The following CD226 variants were observed in gnomAD, a reference collection of about 807,000 sequenced individuals.
CD226 encodes CD226 antigen.
In CD226, 24 loss-of-function variants were observed where a neutral mutation model predicts 34.9. The ratio of observed to expected loss-of-function variants is 0.69; its 90% confidence interval spans 0.50 to 0.97. The LOEUF (loss-of-function observed/expected upper bound fraction) is 0.97, where lower values mean the gene tolerates loss of function less well. CD226 is among the 50% of genes least tolerant of loss of function. CD226 has a pLI of 0.00. For missense variants in CD226, 397 were observed against 412.7 expected (o/e 0.96, Z 0.33); for synonymous variants, 148 against 147.4 (o/e 1.00, Z -0.03).
intron 4 of CD226, among the ~76,000 whole-genome samples, chr18:69,872,297 T>G (rs1159047031): frequency 6.6e-6 from 1 of 152,118 alleles, no homozygotes; most frequent in Non-Finnish European, 1.5e-5. Flanking sequence ...AGCAGATATG[T>G]AACAAATACC....
upstream of CD226, among the ~76,000 whole-genome samples, chr18:69,949,046 A>T (rs2055824322): frequency 6.6e-6 from 1 of 152,176 alleles, no homozygotes; most frequent in African/African-American, 2.4e-5. Context: ...GTTTCAGGAA[A>T]TGGTGTGACT....
At chr18:69,930,767 T>G (rs1410706000) in intron 2 of CD226, among the ~76,000 whole-genome samples, 1 of 152,204 alleles carries the variant, frequency 6.6e-6, no homozygotes, top group Admixed American at 6.5e-5. Flanking sequence ...TCAGTCCTCA[T>G]GTGGATTTAT....
intron 2 of CD226, among the ~76,000 whole-genome samples, chr18:69,917,777 G>C (rs1485128803): frequency 1.3e-5 from 2 of 152,168 alleles, no homozygotes; most frequent in Non-Finnish European, 2.9e-5. Context: ...TCTTGGACAA[G>C]GGGGGAGTCA....
chr18:69,909,687 G>A (rs779877226), intron 2 of CD226, among the ~76,000 whole-genome samples: 1 of 152,150 alleles, frequency 6.6e-6, no homozygotes, highest in Non-Finnish European at 1.5e-5. Flanking sequence ...AGTGTCCATG[G>A]TATTTATTTT....
chr18:69,864,004 C>G lies in CD226; in HGVS notation c.*310G>C, dbSNP rs994182263. 1 of 200,100 alleles carries G rather than the reference C, an allele frequency of 5.0e-6. No homozygotes were observed. 12.4% of individuals were successfully genotyped at this position (200,100 alleles called of 1,614,324 possible). The stretch of plus-strand genomic sequence containing the variant: ...AAAGGGATTCAGAAGCCAGTTTATG[C>G]CCATACTTAATTCTAGACACAACAT... On this transcript the variant is annotated 3_prime_UTR_variant, in exon 6 of 6. Coordinates refer to ENST00000582621, the MANE Select transcript of CD226 (RefSeq NM_001303618.2).
upstream of CD226, among the ~76,000 whole-genome samples, chr18:69,960,639 A>G (rs573493574): frequency 2.1e-4 from 32 of 152,288 alleles, no homozygotes; most frequent in African/African-American, 7.7e-4. Context: ...TAGTAGAAAC[A>G]GGGTTTTGCC....
chr18:69,915,782 A>T (rs2055378439), intron 2 of CD226, among the ~76,000 whole-genome samples: 1 of 151,892 alleles, frequency 6.6e-6, no homozygotes, highest in South Asian at 2.1e-4. Context: ...TACACTCTCA[A>T]TTTTCCTCTA....
chr18:69,943,873 G>T (rs1194085923), intron 2 of CD226, among the ~76,000 whole-genome samples: 1 of 151,378 alleles, frequency 6.6e-6, no homozygotes, highest in African/African-American at 2.4e-5. Context: ...TCAATAAATA[G>T]CAAAAAATCA....
upstream of CD226, among the ~76,000 whole-genome samples, chr18:69,960,512 C>T (rs774422121): frequency 3.3e-5 from 5 of 152,186 alleles, no homozygotes; most frequent in Non-Finnish European, 7.3e-5. Flanking sequence ...CACAGTGACA[C>T]GATCTTGGCT....
chr18:69,903,679 T>C (rs550638225), intron 2 of CD226, among the ~76,000 whole-genome samples: 69 of 151,946 alleles, frequency 4.5e-4, no homozygotes, highest in Non-Finnish European at 8.4e-4. Context: ...CAGAACGCCA[T>C]GTGAAGATGA....
chr18:69,913,848 G>T (rs933310058), intron 2 of CD226, among the ~76,000 whole-genome samples: 5 of 152,148 alleles, frequency 3.3e-5, no homozygotes, highest in African/African-American at 9.7e-5. Flanking sequence ...TGTGCTAAAA[G>T]AATTGGAGAA....
At chr18:69,877,971 T>C (rs1278568579) in intron 3 of CD226, among the ~76,000 whole-genome samples, 1 of 152,170 alleles carries the variant, frequency 6.6e-6, no homozygotes, top group African/African-American at 2.4e-5. Flanking sequence ...AGCTTCCACA[T>C]GAATGACCAC....
At chr18:69,865,443 T>C (rs1203154059) in intron 5 of CD226, among the ~76,000 whole-genome samples, 2 of 152,174 alleles carry the variant, frequency 1.3e-5, no homozygotes, top group African/African-American at 4.8e-5. Flanking sequence ...CAAAATATTA[T>C]TCTACAAAAA....
At chr18:69,941,433 G>T (rs967046105) in intron 2 of CD226, among the ~76,000 whole-genome samples, 3 of 152,246 alleles carry the variant, frequency 2.0e-5, no homozygotes, top group Non-Finnish European at 2.9e-5. Flanking sequence ...AGCCAGAGGG[G>T]TGGAGCTGCC....
intron 2 of CD226, among the ~76,000 whole-genome samples, chr18:69,916,665 T>C (rs2055389887): frequency 6.6e-6 from 1 of 152,194 alleles, no homozygotes; most frequent in South Asian, 2.1e-4. Context: ...TCATACTAAA[T>C]ACACGGTTCA....
rs184511651 is a variant in CD226 at position 69,880,998 on chromosome 18, T to C, written c.728-7752A>G. ...GCAGAGTCTCTATAGTCAATAATAATGTATACTTCAAAGTGACTGAGTAAA... is the reference window on the plus strand; with the variant it reads ...GCAGAGTCTCTATAGTCAATAATAACGTATACTTCAAAGTGACTGAGTAAA... On this transcript the variant is annotated intron_variant, in intron 3 of 5. Coordinates refer to ENST00000582621, the MANE Select transcript of CD226 (RefSeq NM_001303618.2). 2.9e-3 allele frequency among the ~76,000 whole-genome samples: 440 copies of C among 152,294 alleles called. 3 individuals carry two copies. Among genetic ancestry groups the C allele is most frequent in the African/African-American group, 9.3e-3 (387 of 41,566 alleles).
At chr18:69,881,943 T>C (rs969178936) in intron 3 of CD226, among the ~76,000 whole-genome samples, 2 of 152,250 alleles carry the variant, frequency 1.3e-5, no homozygotes, top group Non-Finnish European at 2.9e-5. Context: ...TAAATCAGTT[T>C]TATACTCTGT....
chr18:69,927,362 C>CCA (rs1160750903), intron 2 of CD226, among the ~76,000 whole-genome samples: 2 of 47,854 alleles, frequency 4.2e-5, no homozygotes, highest in Non-Finnish European at 9.6e-5. Context: ...GACTAAGACA[C>CCA]TACACACACA....
In CD226 at chr18:69,947,610, T is replaced by C; in HGVS notation, c.-204A>G. 1 of 408,230 alleles carries C rather than the reference T, an allele frequency of 2.4e-6. No homozygotes were observed. The highest frequency in any genetic ancestry group is 4.4e-6 in the Non-Finnish European group (1 of 229,656). The allele number at this position is 408,230 out of a possible 1,614,324, so 25.3% of individuals were successfully genotyped here. A position where few individuals can be genotyped will look rare whatever the true frequency, so the allele number is the denominator to read the frequency against. ...TTTATGAGGATGGGCAGATTTGAGT[T>C]TCTTCTCTCTCGGGGAACCAGTCGG... On this transcript the variant is annotated 5_prime_UTR_variant, in exon 1 of 6. Transcript: ENST00000582621.
Sources: allele counts gnomAD v4.1 joint callset (sites outside exome capture counted in the v4.1 genomes callset), GRCh38; gene constraint gnomAD v4.1.1; transcripts MANE v1.5; gene names NCBI Gene and HGNC (gene_info 2026-07-23, HGNC 2026-07-21).